GALNT10: variants seen among roughly 807,000 people sequenced by gnomAD.
The protein encoded by GALNT10 is polypeptide N-acetylgalactosaminyltransferase 10.
Under a neutral mutation model 75.0 loss-of-function variants are expected in GALNT10, and 41 were observed. That is an observed-to-expected ratio of 0.55 (90% confidence interval 0.43 to 0.71). The LOEUF (loss-of-function observed/expected upper bound fraction) is 0.71, where lower values mean the gene tolerates loss of function less well. Among genes scored for constraint, GALNT10 ranks in the 30% least tolerant of loss-of-function variants. GALNT10 has a pLI of 0.00. For synonymous variants in GALNT10, 302 were observed against 313.0 expected, an observed-to-expected ratio of 0.96 and a Z score of 0.37; for missense variants, 727 against 818.5, an observed-to-expected ratio of 0.89 and a Z score of 1.36.
At chr5:154,295,472 G>T (rs1442014309) in intron 2 of GALNT10, among the ~76,000 whole-genome samples, 1 of 152,150 alleles carries the variant, frequency 6.6e-6, no homozygotes, top group African/African-American at 2.4e-5. Flanking sequence ...TTGAACCCAG[G>T]TCTGGAGGGA....
intron 1 of GALNT10, among the ~76,000 whole-genome samples, chr5:154,226,013 T>C (rs1184816343): frequency 4.0e-5 from 6 of 151,878 alleles, no homozygotes. Flanking sequence ...GGGATAGCAT[T>C]AGGAGATATA....
At chr5:154,232,353 A>G (rs1753163522) in intron 1 of GALNT10, among the ~76,000 whole-genome samples, 1 of 152,170 alleles carries the variant, frequency 6.6e-6, no homozygotes, top group Non-Finnish European at 1.5e-5. Context: ...ATAATGGTCA[A>G]ATGCAAATAG....
rs115659337 is a variant in GALNT10, at chr5:154,235,760, G to A, written c.159+44735G>A. ...GAAAAATTTTTGTCTAGCTATTCCC[G>A]TTAATAACACAAGTTGGATAGTGCT... On this transcript the variant is annotated intron_variant, in intron 1 of 11. Coordinates refer to ENST00000297107, the MANE Select transcript of GALNT10 (RefSeq NM_198321.4). Among the ~76,000 whole-genome samples, 1,182 of 152,190 alleles carry A rather than the reference G, an allele frequency of 7.8e-3. 14 individuals are homozygous for A. Among genetic ancestry groups the A allele is most frequent in the Non-Finnish European group, 0.013 (888 of 67,990 alleles).
intron 1 of GALNT10, among the ~76,000 whole-genome samples, chr5:154,272,423 A>T (rs1392528033): frequency 6.6e-6 from 1 of 150,712 alleles, no homozygotes; most frequent in Non-Finnish European, 1.5e-5. Flanking sequence ...GGTCCTCTTC[A>T]GGAGCCTCAA....
At chr5:154,335,020 C>T (rs1038990790) in intron 4 of GALNT10, among the ~76,000 whole-genome samples, 4 of 152,168 alleles carry the variant, frequency 2.6e-5, no homozygotes, top group Non-Finnish European at 5.9e-5. Context: ...TTGACACTGC[C>T]CAATAAACCT....
intron 1 of GALNT10, among the ~76,000 whole-genome samples, chr5:154,198,410 G>A (rs1431339553): frequency 2.0e-5 from 3 of 152,192 alleles, no homozygotes; most frequent in African/African-American, 4.8e-5. Context: ...CCTATGGCAG[G>A]GACTCAATTC....
chr5:154,323,429 C>T (rs891483270), intron 3 of GALNT10, among the ~76,000 whole-genome samples: 6 of 152,232 alleles, frequency 3.9e-5, no homozygotes, highest in South Asian at 2.1e-4. Flanking sequence ...AACAGGCTGC[C>T]GGATTTGGCC....
chr5:154,411,744 C>T (rs945327290), intron 9 of GALNT10, among the ~76,000 whole-genome samples: 70 of 152,342 alleles, frequency 4.6e-4, no homozygotes, highest in African/African-American at 1.6e-3. Flanking sequence ...TTGGCTTCCT[C>T]ACTTGTGTTA....
chr5:154,250,782 T>A (rs1006610838), intron 1 of GALNT10, among the ~76,000 whole-genome samples: 1 of 152,208 alleles, frequency 6.6e-6, no homozygotes, highest in Non-Finnish European at 1.5e-5. Flanking sequence ...ATCATTTGAC[T>A]TCCACAGTAT....
In GALNT10 at chr5:154,415,865, A is replaced by G; in HGVS notation, c.1586A>G (p.His529Arg). ...AAGTTCTGCTTTGATGCCATTTCCC[A>G]CACCAGCCCTGTCACGCTGTACGAC... ...TKKFCFDAIS[H>R]TSPVTLYDCH... is the part of the protein sequence containing the mutation. The change falls in exon 11 of 12, where the codon CAC becomes CGC. Residue 529 changes from histidine to arginine, a missense_variant. His to Arg is a conservative substitution (Grantham distance 29). Coordinates refer to ENST00000297107, the MANE Select transcript of GALNT10 (RefSeq NM_198321.4). 6.2e-7 allele frequency: 1 copy of G among 1,614,124 alleles called. No individual in the cohort carries two copies. Among genetic ancestry groups the G allele is most frequent in the South Asian group, 1.1e-5 (1 of 91,072 alleles).
intron 1 of GALNT10, among the ~76,000 whole-genome samples, chr5:154,195,115 A>G (rs1443501630): frequency 6.6e-6 from 1 of 152,252 alleles, no homozygotes; most frequent in Non-Finnish European, 1.5e-5. Flanking sequence ...GCAAAAGCCC[A>G]TTTAAAAGAT....
intron 1 of GALNT10, among the ~76,000 whole-genome samples, chr5:154,293,613 A>ATATTTTTTTTTTTTTTTTTTTTTTTTTT: frequency 9.1e-6 from 1 of 109,360 alleles, no homozygotes; most frequent in Non-Finnish European, 1.9e-5. Flanking sequence ...ATATATATAT[A>ATATTTTTTTTTTTTTTTTTTTTTTTTTT]TTTTTTTTTT....
chr5:154,336,300 G>A (rs1032216212), intron 4 of GALNT10, among the ~76,000 whole-genome samples: 1 of 152,184 alleles, frequency 6.6e-6, no homozygotes, highest in African/African-American at 2.4e-5. Context: ...GAACATTTGT[G>A]TACAGGATTT....
intron 10 of GALNT10, among the ~76,000 whole-genome samples, chr5:154,413,895 C>G (rs1756451282): frequency 3.3e-5 from 5 of 152,260 alleles, no homozygotes; most frequent in Admixed American, 2.6e-4. Context: ...AAGCATATAT[C>G]TGATAAAGGA....
intron 4 of GALNT10, among the ~76,000 whole-genome samples, chr5:154,355,515 G>A (rs1755276156): frequency 6.6e-6 from 1 of 152,244 alleles, no homozygotes; most frequent in African/African-American, 2.4e-5. Context: ...GAAGGGCCAG[G>A]GCCAGGTCCA....
intron 4 of GALNT10, among the ~76,000 whole-genome samples, chr5:154,333,604 A>G (rs1399703406): frequency 6.6e-6 from 1 of 152,212 alleles, no homozygotes; most frequent in East Asian, 1.9e-4. Flanking sequence ...AAGAAAAGGT[A>G]CACTTCATAA....
intron 3 of GALNT10, among the ~76,000 whole-genome samples, chr5:154,315,802 C>T (rs1395991659): frequency 6.6e-6 from 1 of 152,230 alleles, no homozygotes; most frequent in Non-Finnish European, 1.5e-5. Flanking sequence ...GGCCCCATGA[C>T]TGACCTGATC....
intron 5 of GALNT10, among the ~76,000 whole-genome samples, chr5:154,379,522 G>C (rs1235565028): frequency 6.6e-6 from 1 of 152,242 alleles, no homozygotes. Flanking sequence ...AAAGCAACCA[G>C]GCATTGAGCA....
chr5:154,255,065 T>G (rs1727233877), intron 1 of GALNT10, among the ~76,000 whole-genome samples: 1 of 152,106 alleles, frequency 6.6e-6, no homozygotes, highest in African/African-American at 2.4e-5. Flanking sequence ...GCAGTCTTCC[T>G]ACCTCAGACT....
Sources: gnomAD v4.1 joint callset for allele counts (sites outside exome capture counted in the v4.1 genomes callset) on GRCh38, gnomAD v4.1.1 for gene constraint, MANE v1.5 for transcripts, NCBI Gene and HGNC (gene_info 2026-07-23, HGNC 2026-07-21) for gene names.